The following RTL4 variants were observed in gnomAD, a reference collection of about 807,000 sequenced individuals.
The protein encoded by RTL4 is retrotransposon Gag-like protein 4.
A neutral mutation model predicts 5.3 loss-of-function variants in RTL4; 4 were observed. The observed-to-expected ratio is 0.75, with a 90% CI of 0.37 to 1.72. RTL4 has a LOEUF of 1.72. Ranked by LOEUF, RTL4 falls within the 40% of genes most tolerant of loss-of-function variation. The probability of loss-of-function intolerance (pLI) is 0.04; values close to 1 mark genes in which losing one functional copy is unlikely to be tolerated. For synonymous variants in RTL4, 98 were observed against 87.3 expected, an observed-to-expected ratio of 1.12 and a Z score of -0.68; for missense variants, 260 against 227.1, an observed-to-expected ratio of 1.14 and a Z score of -0.93.
chrX:112,349,217 G>A, the RTL4 span, among the ~76,000 whole-genome samples: 1 of 111,397 alleles, frequency 9.0e-6, no homozygotes, highest in Non-Finnish European at 1.9e-5. Flanking sequence ...CCAGCTTGTA[G>A]GTTCTCCTCC....
At chrX:112,203,191 C>T in the RTL4 span, among the ~76,000 whole-genome samples, 1 of 110,709 alleles carries the variant, frequency 9.0e-6, no homozygotes, top group African/African-American at 3.3e-5. Context: ...AATATTTTCT[C>T]TCCACCTGTA....
At chrX:112,095,180 C>T in the RTL4 span, among the ~76,000 whole-genome samples, 2 of 111,369 alleles carry the variant, frequency 1.8e-5, no homozygotes, top group African/African-American at 3.3e-5. Context: ...CACGTGGATT[C>T]AGATAAGTTT....
chrX:112,231,786 G>A, the RTL4 span, among the ~76,000 whole-genome samples: 1 of 111,011 alleles, frequency 9.0e-6, no homozygotes, highest in Non-Finnish European at 1.9e-5. Flanking sequence ...CTTGCTATAA[G>A]GTAAGTAATT....
chrX:112,193,184 G>A, the RTL4 span, among the ~76,000 whole-genome samples: 114 of 110,723 alleles, frequency 1.0e-3, 1 homozygote, highest in East Asian at 0.023. Flanking sequence ...GTATATTTAC[G>A]GGGTACATTT....
At chrX:112,323,091 T>C in the RTL4 span, among the ~76,000 whole-genome samples, 10 of 112,403 alleles carry the variant, frequency 8.9e-5, no homozygotes, top group Non-Finnish European at 1.9e-4. Context: ...TAATATTTTA[T>C]TTCAATAGAT....
chrX:112,157,359 T>C, the RTL4 span, among the ~76,000 whole-genome samples: 1 of 111,168 alleles, frequency 9.0e-6, no homozygotes, highest in East Asian at 2.8e-4. Context: ...AGTATAGTTC[T>C]AGCTCCGATG....
At chrX:112,286,757 T>C in the RTL4 span, among the ~76,000 whole-genome samples, 8 of 111,694 alleles carry the variant, frequency 7.2e-5, no homozygotes, top group South Asian at 3.0e-3. Flanking sequence ...AGTCTATTGC[T>C]TCTCCCCACA....
At chrX:112,111,019 T>A in the RTL4 span, among the ~76,000 whole-genome samples, 1 of 112,106 alleles carries the variant, frequency 8.9e-6, no homozygotes, top group South Asian at 3.7e-4. Context: ...ATTGGAGTGT[T>A]ACAGGGTCAC....
At chrX:112,183,515 A>G in the RTL4 span, among the ~76,000 whole-genome samples, 1 of 112,236 alleles carries the variant, frequency 8.9e-6, no homozygotes, top group Admixed American at 9.4e-5. Context: ...TTGCAATCCT[A>G]GTCTCTGATA....
the RTL4 span, among the ~76,000 whole-genome samples, chrX:112,264,021 A>G: frequency 1.0e-3 from 113 of 111,711 alleles, no homozygotes; most frequent in African/African-American, 3.4e-3. Flanking sequence ...TCCCTGATGG[A>G]TGGACTTGAT....
the RTL4 span, among the ~76,000 whole-genome samples, chrX:112,307,827 C>T: frequency 1.8e-5 from 2 of 111,695 alleles, no homozygotes; most frequent in African/African-American, 6.5e-5. Flanking sequence ...ACAAGAACGG[C>T]CTGATATCTA....
the RTL4 span, among the ~76,000 whole-genome samples, chrX:112,260,852 C>T: frequency 8.9e-6 from 1 of 111,791 alleles, no homozygotes; most frequent in Admixed American, 9.5e-5. Context: ...CATAAACAAA[C>T]CCATGAATAC....
the RTL4 span, among the ~76,000 whole-genome samples, chrX:112,330,627 G>C: frequency 9.0e-6 from 1 of 110,839 alleles, no homozygotes; most frequent in Admixed American, 9.6e-5. Context: ...AGCTACCAAA[G>C]ACTTTCTTCA....
At chrX:112,380,431 C>T in the RTL4 span, among the ~76,000 whole-genome samples, 14 of 111,892 alleles carry the variant, frequency 1.3e-4, no homozygotes, top group Admixed American at 8.5e-4. Flanking sequence ...GGATTACAGG[C>T]GTGAGCCACC....
At chrX:112,344,277 C>T in the RTL4 span, among the ~76,000 whole-genome samples, 1 of 111,946 alleles carries the variant, frequency 8.9e-6, no homozygotes, top group African/African-American at 3.3e-5. Context: ...AGAGGATTTA[C>T]AAGAGTTAAA....
At chrX:112,234,826 A>T in the RTL4 span, among the ~76,000 whole-genome samples, 1 of 112,094 alleles carries the variant, frequency 8.9e-6, no homozygotes, top group Non-Finnish European at 1.9e-5. Flanking sequence ...ACTGTCAAAT[A>T]ATTTCATTAT....
the RTL4 span, among the ~76,000 whole-genome samples, chrX:112,229,367 C>T: frequency 8.9e-6 from 1 of 112,120 alleles, no homozygotes; most frequent in Non-Finnish European, 1.9e-5. Context: ...ATTATCACCC[C>T]CACTTTACAG....
the RTL4 span, among the ~76,000 whole-genome samples, chrX:112,193,350 T>A: frequency 9.0e-6 from 1 of 111,045 alleles, no homozygotes; most frequent in East Asian, 2.8e-4. Context: ...TAATTATAGT[T>A]ACCCTATTTT....
At chrX:112,272,936 C>T in the RTL4 span, among the ~76,000 whole-genome samples, 1 of 111,290 alleles carries the variant, frequency 9.0e-6, no homozygotes, top group Admixed American at 9.5e-5. Flanking sequence ...TACTTTATAG[C>T]TATATACCAA....
Sources: allele counts gnomAD v4.1 joint callset (sites outside exome capture counted in the v4.1 genomes callset), GRCh38; gene constraint gnomAD v4.1.1; transcripts MANE v1.5; gene names NCBI Gene and HGNC (gene_info 2026-07-23, HGNC 2026-07-21).